MSL2: variants seen among roughly 807,000 people sequenced by gnomAD.
The protein encoded by MSL2 is E3 ubiquitin-protein ligase MSL2.
Under a neutral mutation model 35.8 loss-of-function variants are expected in MSL2, and 2 were observed. The observed-to-expected ratio is 0.06, with a 90% CI of 0.02 to 0.18. The LOEUF (loss-of-function observed/expected upper bound fraction) is 0.18, where lower values mean the gene tolerates loss of function less well. MSL2 is among the 10% of genes least tolerant of loss of function. The pLI is 1.00. For missense variants in MSL2, 523 were observed against 706.7 expected, an observed-to-expected ratio of 0.74 and a Z score of 2.95; for synonymous variants, 296 against 255.7, an observed-to-expected ratio of 1.16 and a Z score of -1.50.
chr3:136,153,159 C>T (rs1301970251), intron 1 of MSL2: 1 of 654,650 alleles, frequency 1.5e-6, no homozygotes, highest in South Asian at 6.8e-5. Flanking sequence ...GGCTTGAGCC[C>T]TAGAGTTCAG....
chr3:136,163,309 A>G (rs1446859239), intron 1 of MSL2, among the ~76,000 whole-genome samples: 1 of 152,198 alleles, frequency 6.6e-6, no homozygotes, highest in East Asian at 1.9e-4. Flanking sequence ...ATGAATTTCA[A>G]CTGGACTTAA....
intron 1 of MSL2, among the ~76,000 whole-genome samples, chr3:136,154,351 G>A (rs1005802046): frequency 5.3e-5 from 8 of 152,016 alleles, no homozygotes; most frequent in African/African-American, 1.2e-4. Flanking sequence ...GTAGTCCCCC[G>A]ACTTGACACA....
At chr3:136,193,017 G>A (rs1940734351) in intron 1 of MSL2, among the ~76,000 whole-genome samples, 1 of 152,122 alleles carries the variant, frequency 6.6e-6, no homozygotes, top group Non-Finnish European at 1.5e-5. Context: ...TCAATCATAA[G>A]GGAGAAGCAG....
intron 1 of MSL2, among the ~76,000 whole-genome samples, chr3:136,167,985 C>A (rs193098940): frequency 3.9e-4 from 59 of 152,108 alleles, no homozygotes; most frequent in Admixed American, 3.1e-3. Flanking sequence ...TACACAGTAC[C>A]TCAATAAAAT....
intron 1 of MSL2, among the ~76,000 whole-genome samples, chr3:136,194,141 C>T (rs1940766849): frequency 6.6e-6 from 1 of 152,178 alleles, no homozygotes; most frequent in Non-Finnish European, 1.5e-5. Context: ...GGCAGTTGCC[C>T]TTTCTTTTGT....
In MSL2 at chr3:136,195,054, G is replaced by A. The variant is rs1288779166; in HGVS notation, c.60C>T (p.Tyr20=). The change falls in exon 1 of 2, where the codon TAC becomes TAT. Residue 20 remains tyrosine, a synonymous_variant. Coordinates refer to ENST00000309993, the MANE Select transcript of MSL2 (RefSeq NM_018133.4). ...TAAACGCCTTGGGGTCTCCGGGGTCGTAGTTGAGCACTAGGCGGCTCGCGG... is the reference window on the plus strand; with the variant it reads ...TAAACGCCTTGGGGTCTCCGGGGTCATAGTTGAGCACTAGGCGGCTCGCGG... ...YISASRLVLN[Y]DPGDPKAFTE... is the part of the protein sequence containing the mutation. 1.2e-6 allele frequency: 2 copies of A among 1,614,106 alleles called. No individual in the cohort carries two copies. The highest frequency in any genetic ancestry group is 3.3e-5 in the Admixed American group (2 of 59,998).
chr3:136,186,923 A>G (rs759295119), intron 1 of MSL2, among the ~76,000 whole-genome samples: 1 of 152,212 alleles, frequency 6.6e-6, no homozygotes, highest in Admixed American at 6.5e-5. Flanking sequence ...CAGATTACTT[A>G]TAACACCTAA....
intron 1 of MSL2, among the ~76,000 whole-genome samples, chr3:136,187,935 A>G (rs1055776664): frequency 6.6e-6 from 1 of 152,056 alleles, no homozygotes; most frequent in African/African-American, 2.4e-5. Context: ...CCTGTAGAAC[A>G]TATTTTTTAA....
chr3:136,184,597 C>T (rs139899085), intron 1 of MSL2, among the ~76,000 whole-genome samples: 2 of 151,882 alleles, frequency 1.3e-5, no homozygotes, highest in African/African-American at 4.8e-5. Flanking sequence ...AGCGAGACTC[C>T]GTCTCAAAAA....
chr3:136,166,477 GAATC>G (rs2108072239), intron 1 of MSL2, among the ~76,000 whole-genome samples: 1 of 151,528 alleles, frequency 6.6e-6, no homozygotes, highest in African/African-American at 2.4e-5. Flanking sequence ...ATATTTTTTT[GAATC>G]AACATGCTTT....
chr3:136,189,550 C>G (rs538383986), intron 1 of MSL2, among the ~76,000 whole-genome samples: 2 of 150,224 alleles, frequency 1.3e-5, no homozygotes, highest in South Asian at 4.3e-4. Flanking sequence ...CAGTGAAACC[C>G]CTTGTCTACT....
At chr3:136,167,057 G>A (rs1189610782) in intron 1 of MSL2, among the ~76,000 whole-genome samples, 2 of 151,802 alleles carry the variant, frequency 1.3e-5, no homozygotes, top group South Asian at 4.1e-4. Flanking sequence ...GAGGAGAAGG[G>A]GCACAAGAAA....
intron 1 of MSL2, among the ~76,000 whole-genome samples, chr3:136,182,850 C>T (rs1940408047): frequency 6.6e-6 from 1 of 152,166 alleles, no homozygotes; most frequent in Admixed American, 6.5e-5. Flanking sequence ...GGAAACAATC[C>T]CCACAACTCA....
chr3:136,177,680 T>TAAAA lies in MSL2; in HGVS notation c.142+17288_142+17291dup, dbSNP rs397738424. 6.6e-3 allele frequency among the ~76,000 whole-genome samples: 513 copies of TAAAA among 78,102 alleles called. 8 individuals carry two copies. The highest frequency in any genetic ancestry group is 0.026 in the African/African-American group (474 of 18,020). 51.2% of individuals were successfully genotyped at this position (78,102 alleles called of 152,430 possible). A position where few individuals can be genotyped will look rare whatever the true frequency, so the allele number is the denominator to read the frequency against. Reference sequence around the variant, plus strand: ...GGCGACAGAGCGAGACTCCGTCTCATAAAAAAAAAAAAAAAAAAAAAAAGA... The same window carrying TAAAA: ...GGCGACAGAGCGAGACTCCGTCTCATAAAAAAAAAAAAAAAAAAAAAAAAAAAGA... On this transcript the variant is annotated intron_variant, in intron 1 of 1. Transcript: ENST00000309993.
In MSL2 at chr3:136,151,588, G is replaced by A; in HGVS notation, c.1293C>T (p.Asp431=). The part of the protein sequence containing the change: ...SKTKPGILKK[D]KAVKEKIPSH... ...TAGGAATCTTTTCCTTTACTGCTTT[G>A]TCTTTTTTAAGAATACCTGGCTTGG... Residue 431 remains aspartate (D), a synonymous_variant, in exon 2 of 2, where the codon GAC becomes GAT. Coordinates refer to ENST00000309993, the MANE Select transcript of MSL2 (RefSeq NM_018133.4). The surrounding 1 kb of genome is among the most constrained non-coding windows in gnomAD (Gnocchi z 5.2). 8 of 1,614,078 alleles carry A rather than the reference G, an allele frequency of 5.0e-6. No homozygotes were observed. The highest frequency in any genetic ancestry group is 5.9e-6 in the Non-Finnish European group (7 of 1,180,002).
chr3:136,191,759 C>A (rs926992447), intron 1 of MSL2, among the ~76,000 whole-genome samples: 1 of 152,294 alleles, frequency 6.6e-6, no homozygotes, highest in South Asian at 2.1e-4. Context: ...AGCAACATAG[C>A]AAGATCCTGT....
intron 1 of MSL2, among the ~76,000 whole-genome samples, chr3:136,178,180 AT>A (rs550192905): frequency 6.6e-5 from 10 of 152,232 alleles, no homozygotes; most frequent in Non-Finnish European, 1.3e-4. Context: ...GTTTATCTTA[AT>A]AACTAAGTAG....
rs1399180933 is a variant in MSL2 at position 136,195,304 on chromosome 3, G to A, written c.-191C>T. 13 of 1,390,928 alleles carry A rather than the reference G, an allele frequency of 9.3e-6. No individual in the cohort carries two copies. The highest frequency in any genetic ancestry group is 3.0e-5 in the African/African-American group (2 of 67,736). The allele number at this position is 1,390,928 out of a possible 1,614,324, so 86.2% of individuals were successfully genotyped here. A position where few individuals can be genotyped will look rare whatever the true frequency, so the allele number is the denominator to read the frequency against. ...CAATCCTCCCACACATGGGGCCTTG[G>A]CGCCCCTCCGTCCCTGAGACTTCCA... On this transcript the variant is annotated 5_prime_UTR_variant, in exon 1 of 2. Transcript: ENST00000309993.
intron 1 of MSL2, among the ~76,000 whole-genome samples, chr3:136,187,275 A>ATGTTCCCTTTTCATTTTATGT (rs1940552081): frequency 6.6e-6 from 1 of 152,198 alleles, no homozygotes; most frequent in Non-Finnish European, 1.5e-5. Flanking sequence ...GAATGATCAA[A>ATGTTCCCTTTTCATTTTATGT]TGTTCCCTTT....
Sources: gnomAD v4.1 joint callset for allele counts (sites outside exome capture counted in the v4.1 genomes callset) on GRCh38, gnomAD v4.1.1 for gene constraint, Gnocchi (gnomAD v3.1) non-coding constraint, MANE v1.5 for transcripts, NCBI Gene and HGNC (gene_info 2026-07-23, HGNC 2026-07-21) for gene names.